ANKK1: variants seen among roughly 807,000 people sequenced by gnomAD.
ANKK1 encodes ankyrin repeat and protein kinase domain-containing protein 1.
ANKK1 carries 37 observed loss-of-function variants against 37.6 expected under a neutral mutation model. That is an observed-to-expected ratio of 0.98 (90% confidence interval 0.76 to 1.29). The LOEUF (loss-of-function observed/expected upper bound fraction) is 1.29. Ranked by LOEUF, ANKK1 falls within the 50% of genes most tolerant of loss-of-function variation. The pLI is 0.00. For missense variants in ANKK1, 1,019 were observed against 990.6 expected (o/e 1.03, Z -0.39); for synonymous variants, 415 against 418.7 (o/e 0.99, Z 0.11).
chr11:113,400,223 G>T lies in ANKK1; in HGVS notation c.2254G>T (p.Ala752Ser). 1.3e-6 allele frequency: 2 copies of T among 1,551,604 alleles called. No homozygotes were observed. The highest frequency in any genetic ancestry group is 1.7e-6 in the Non-Finnish European group (2 of 1,147,924). ...SFLEGKEPSV[A>S]TLGGSKPGAE... ...CCTAGAGGGCAAGGAGCCGTCAGTG[G>T]CCACTCTGGGTGGTTCTAAGCCAGG... The change falls in exon 8 of 8, where the codon GCC (alanine) becomes TCC (serine). Residue 752 changes from alanine to serine, a missense_variant. Transcript: ENST00000303941.
chr11:113,398,621 A>G (rs1478909521), intron 7 of ANKK1, among the ~76,000 whole-genome samples: 1 of 152,086 alleles, frequency 6.6e-6, no homozygotes, highest in Non-Finnish European at 1.5e-5. Flanking sequence ...CCCCTCTTCC[A>G]TATCTGATCC....
chr11:113,396,068 G>A lies in ANKK1; in HGVS notation c.684G>A (p.Gly228=). Residue 228 remains glycine (G), a splice_region_variant and synonymous_variant, in exon 5 of 8, where the codon GGG becomes GGA. Transcript: ENST00000303941. ...ELLTQKKPYS[G]FNMMMIIIRV... ...CATAGCCTGAGCCTCCCTTTGCAGG[G>A]TTCAACATGATGATGATTATTATCC... The A allele has an allele frequency of 1.2e-6, 2 of 1,613,944 alleles. No individual in the cohort carries two copies. The highest frequency in any genetic ancestry group is 8.5e-7 in the Non-Finnish European group (1 of 1,179,844).
intron 2 of ANKK1, among the ~76,000 whole-genome samples, chr11:113,394,468 T>A (rs1187537948): frequency 6.6e-6 from 1 of 152,182 alleles, no homozygotes; most frequent in Non-Finnish European, 1.5e-5. Context: ...TGGCCCTCAA[T>A]GCATGGCCAA....
Position 113,399,271 on chromosome 11 carries a change from T to C in ANKK1, c.1302T>C (p.Phe434=). 1 of 1,606,496 alleles carries C rather than the reference T, an allele frequency of 6.2e-7. No homozygotes were observed. The highest frequency in any genetic ancestry group is 8.5e-7 in the Non-Finnish European group (1 of 1,176,838). Residue 434 remains phenylalanine (F), a synonymous_variant, in exon 8 of 8, where the codon TTT becomes TTC. Transcript: ENST00000303941. ...VDEDGWAPLH[F]AAQNGDDGTA... The stretch of plus-strand genomic sequence containing the variant: ...AGGATGGCTGGGCCCCACTGCACTT[T>C]GCAGCCCAGAATGGGGATGACGGCA...
chr11:113,394,059 T>A (rs1480036482), intron 2 of ANKK1, among the ~76,000 whole-genome samples: 1 of 152,214 alleles, frequency 6.6e-6, no homozygotes, highest in Non-Finnish European at 1.5e-5. Flanking sequence ...TTTATTTGGA[T>A]GGAGACGTGT....
intron 1 of ANKK1, among the ~76,000 whole-genome samples, chr11:113,393,058 A>G (rs1309242118): frequency 6.6e-6 from 1 of 152,170 alleles, no homozygotes; most frequent in Non-Finnish European, 1.5e-5. Context: ...TATGTTTCCT[A>G]CAAGGTATAT....
intron 1 of ANKK1, among the ~76,000 whole-genome samples, 185 bp from the exon 2 acceptor site, chr11:113,393,296 A>G (rs558224126): frequency 3.9e-5 from 6 of 152,262 alleles, no homozygotes; most frequent in Admixed American, 3.9e-4. Context: ...TTGCTGCTGT[A>G]CTGAAATCTA....
intron 7 of ANKK1, 72 bp downstream of exon 7, chr11:113,398,088 C>A: frequency 6.6e-7 from 1 of 1,523,464 alleles, no homozygotes; most frequent in Non-Finnish European, 8.9e-7. Context: ...ACACCCTTTC[C>A]CCATCCCCCT....
chr11:113,398,779 C>T (rs1034879220), intron 7 of ANKK1, among the ~76,000 whole-genome samples, 185 bp from the exon 8 acceptor site: 19 of 152,158 alleles, frequency 1.2e-4, no homozygotes, highest in African/African-American at 1.4e-4. Flanking sequence ...CTCTCCAGGA[C>T]GACCGAGCCT....
At chr11:113,391,491 G>T (rs1425036847) in intron 1 of ANKK1, among the ~76,000 whole-genome samples, 2 of 152,092 alleles carry the variant, frequency 1.3e-5, no homozygotes, top group Non-Finnish European at 2.9e-5. Flanking sequence ...GATGCACCTT[G>T]GGGGAGAGGT....
chr11:113,388,066 C>T lies in ANKK1; in HGVS notation c.182C>T (p.Ala61Val). The change falls in exon 1 of 8, where the codon GCC becomes GTC. Residue 61 changes from alanine to valine, a missense_variant. By Grantham distance (64) the Ala-to-Val change is moderately conservative (BLOSUM62 0). Transcript: ENST00000303941. Reference sequence around the variant, plus strand: ...GCCCCCTGCCTTCCACCCGACGCCGCCAGGTACTGCCAGCCTCGCCCTCCC... The same window carrying T: ...GCCCCCTGCCTTCCACCCGACGCCGTCAGGTACTGCCAGCCTCGCCCTCCC... ...KCAPCLPPDA[A>V]SSDVNYLIEE... The T allele has an allele frequency of 6.7e-7, 1 of 1,490,180 alleles. No individual in the cohort carries two copies. The highest frequency in any genetic ancestry group is 9.0e-7 in the Non-Finnish European group (1 of 1,116,970). The allele number at this position is 1,490,180 out of a possible 1,614,324, so 92.3% of individuals were successfully genotyped here. A position where few individuals can be genotyped will look rare whatever the true frequency, so the allele number is the denominator to read the frequency against.
At chr11:113,395,439 G>T in intron 4 of ANKK1, 31 bp downstream of exon 4, 1 of 1,612,316 alleles carries the variant, frequency 6.2e-7, no homozygotes, top group African/African-American at 1.3e-5. Context: ...CTGTGTTGGG[G>T]GCAGGAGGAC....
chr11:113,389,578 G>A (rs1376082196), intron 1 of ANKK1, among the ~76,000 whole-genome samples: 1 of 152,218 alleles, frequency 6.6e-6, no homozygotes, highest in Non-Finnish European at 1.5e-5. Flanking sequence ...AGAAGCTTAA[G>A]AAGGGGAGAT....
Position 113,394,938 on chromosome 11 carries a change from T to A in ANKK1, c.490T>A (p.Phe164Ile). Residue 164 changes from phenylalanine to isoleucine, a missense_variant, in exon 3 of 8, where the codon TTC (phenylalanine) becomes ATC (isoleucine). By Grantham distance (21) the Phe-to-Ile change is conservative (BLOSUM62 0). Coordinates refer to ENST00000303941, the MANE Select transcript of ANKK1 (RefSeq NM_178510.2). ...CCCTGCCTTCTCCCAGATTTCAGAC[T>A]TCGGCCTGTCCAAGTGGATGGAACA... is the stretch of plus-strand genomic sequence containing the variant. ...DSNMHVKISD[F>I]GLSKWMEQST... 1 of 1,608,638 alleles carries A rather than the reference T, an allele frequency of 6.2e-7. No homozygotes were observed. The highest frequency in any genetic ancestry group is 8.5e-7 in the Non-Finnish European group (1 of 1,176,014).
intron 6 of ANKK1, 82 bp downstream of exon 6, chr11:113,397,424 A>G (rs1301337357): frequency 1.8e-5 from 22 of 1,215,688 alleles, no homozygotes; most frequent in Middle Eastern, 2.5e-4. Context: ...CTGGCCAGAC[A>G]CTGAGCACTC....
rs183156766 is a variant in ANKK1 at position 113,398,884 on chromosome 11, C to T, written c.995-80C>T. On this transcript the variant is annotated intron_variant, in intron 7 of 7. Coordinates refer to ENST00000303941, the MANE Select transcript of ANKK1 (RefSeq NM_178510.2). ...TAGCCTCTGTTCCTGGATGGTACTT[C>T]CAGGAGGCAGGGGGATGGCCATGAT... The T allele has an allele frequency of 6.9e-5, 91 of 1,310,988 alleles. 1 individual carries two copies. The East Asian group carries it at 2.3e-3, about 33-fold the overall frequency. The allele number at this position is 1,310,988 out of a possible 1,614,324, so 81.2% of individuals were successfully genotyped here.
intron 5 of ANKK1, 77 bp downstream of exon 5, chr11:113,396,299 G>T: frequency 6.5e-7 from 1 of 1,543,938 alleles, no homozygotes; most frequent in Non-Finnish European, 8.8e-7. Flanking sequence ...GCACTCCTGG[G>T]AGCTATGCAG....
chr11:113,390,058 G>A (rs775970411), intron 1 of ANKK1, among the ~76,000 whole-genome samples: 1 of 152,134 alleles, frequency 6.6e-6, no homozygotes, highest in African/African-American at 2.4e-5. Flanking sequence ...AAATCCACCC[G>A]ACTTGGTGCT....
chr11:113,400,010 C>T lies in ANKK1; in HGVS notation c.2041C>T (p.His681Tyr). Residue 681 changes from histidine (H) to tyrosine (Y), a missense_variant, in exon 8 of 8, where the codon CAT becomes TAT. His to Tyr is a moderately conservative substitution (Grantham distance 83, BLOSUM62 2). Coordinates refer to ENST00000303941, the MANE Select transcript of ANKK1 (RefSeq NM_178510.2). The stretch of plus-strand genomic sequence containing the variant: ...CCTGAGTGTCATCAACCTCCTAGAA[C>T]ATCACGCAAATGTCCACGCCCGCAA... ...TFLSVINLLEHHANVHARNKV... is the reference protein window; with the variant it reads ...TFLSVINLLEYHANVHARNKV... The T allele has an allele frequency of 6.2e-7, 1 of 1,613,530 alleles. No homozygotes were observed. The highest frequency in any genetic ancestry group is 8.5e-7 in the Non-Finnish European group (1 of 1,179,846).
Sources: allele counts gnomAD v4.1 joint callset (sites outside exome capture counted in the v4.1 genomes callset), GRCh38; gene constraint gnomAD v4.1.1; transcripts MANE v1.5; gene names NCBI Gene and HGNC (gene_info 2026-07-23, HGNC 2026-07-21).